MSANTD3: variants seen among roughly 807,000 people sequenced by gnomAD.
MSANTD3 encodes the protein Myb/SANT DNA binding domain containing 3.
Under a neutral mutation model 27.7 loss-of-function variants are expected in MSANTD3, and 11 were observed. The ratio of observed to expected loss-of-function variants is 0.40; its 90% CI spans 0.25 to 0.66. MSANTD3 has a LOEUF of 0.66. Among genes scored for constraint, MSANTD3 ranks in the 30% least tolerant of loss-of-function variants. The pLI is 0.41. For missense variants in MSANTD3, 250 were observed against 336.5 expected (o/e 0.74, Z 2.01); for synonymous variants, 131 against 127.2 (o/e 1.03, Z -0.20).
At chr9:100,432,702 A>G (rs1156675158) in intron 1 of MSANTD3, among the ~76,000 whole-genome samples, 1 of 152,186 alleles carries the variant, frequency 6.6e-6, no homozygotes, top group East Asian at 1.9e-4. Context: ...TTGCACAGTT[A>G]AACCTGTTTA....
chr9:100,438,677 C>T (rs1587787054), intron 1 of MSANTD3, among the ~76,000 whole-genome samples: 1 of 152,056 alleles, frequency 6.6e-6, no homozygotes, highest in Non-Finnish European at 1.5e-5. Flanking sequence ...CTATTGATTT[C>T]CTAACAAAAA....
At chr9:100,448,789 A>G (rs1836816452) in intron 2 of MSANTD3, 2 of 985,400 alleles carry the variant, frequency 2.0e-6, no homozygotes, top group Non-Finnish European at 2.4e-6. Context: ...TGTCTCCAGG[A>G]AAGATTTCCA....
At chr9:100,435,303 A>G (rs1453121817) in intron 1 of MSANTD3, among the ~76,000 whole-genome samples, 1 of 152,078 alleles carries the variant, frequency 6.6e-6, no homozygotes, top group Non-Finnish European at 1.5e-5. Context: ...GCAGTCTATT[A>G]ATGTCCTGAA....
chr9:100,437,057 G>T (rs1214692029), intron 1 of MSANTD3, among the ~76,000 whole-genome samples: 1 of 152,086 alleles, frequency 6.6e-6, no homozygotes, highest in Non-Finnish European at 1.5e-5. Context: ...CACCTGCCTC[G>T]GCCTCCCAAA....
intron 1 of MSANTD3, among the ~76,000 whole-genome samples, chr9:100,436,850 G>C (rs891373077): frequency 1.3e-5 from 2 of 152,134 alleles, no homozygotes; most frequent in Non-Finnish European, 2.9e-5. Flanking sequence ...TGTTGCCCAG[G>C]CTGGAGTGCA....
At chr9:100,441,634 C>G (rs559679282) in intron 1 of MSANTD3, among the ~76,000 whole-genome samples, 1 of 150,974 alleles carries the variant, frequency 6.6e-6, no homozygotes, top group African/African-American at 2.5e-5. Flanking sequence ...AGCGAGACTC[C>G]GTTTCAAAAA....
chr9:100,448,323 G>A, intron 2 of MSANTD3: 9 of 984,894 alleles, frequency 9.1e-6, no homozygotes, highest in Non-Finnish European at 1.1e-5. Flanking sequence ...AAATCAAAGA[G>A]AAAAGAGACT....
intron 1 of MSANTD3, among the ~76,000 whole-genome samples, chr9:100,435,714 G>GGGTA (rs1202311935): frequency 2.6e-5 from 4 of 152,098 alleles, no homozygotes; most frequent in African/African-American, 9.7e-5. Context: ...AAGCCATTGA[G>GGGTA]GGTAGCAGGG....
At chr9:100,431,317 T>C (rs1285545230) in intron 1 of MSANTD3, among the ~76,000 whole-genome samples, 2 of 151,412 alleles carry the variant, frequency 1.3e-5, no homozygotes, top group Non-Finnish European at 2.9e-5. Flanking sequence ...TTTTTTTTTT[T>C]TTTAAAGAGA....
chr9:100,431,182 A>G (rs1413511010), intron 1 of MSANTD3, among the ~76,000 whole-genome samples: 2 of 151,312 alleles, frequency 1.3e-5, no homozygotes, highest in African/African-American at 4.9e-5. Flanking sequence ...TTGTATTTTT[A>G]GTAGAGACGG....
At chr9:100,435,326 A>G (rs547882979) in intron 1 of MSANTD3, among the ~76,000 whole-genome samples, 5 of 152,168 alleles carry the variant, frequency 3.3e-5, no homozygotes, top group Non-Finnish European at 7.4e-5. Context: ...CTGATTTTCC[A>G]GTGCCATAGC....
At chr9:100,448,639 T>C in intron 2 of MSANTD3, 5 of 985,406 alleles carry the variant, frequency 5.1e-6, no homozygotes, top group Non-Finnish European at 6.0e-6. Context: ...TCCATGAGGA[T>C]GAGCAGAAGC....
In MSANTD3 at chr9:100,442,063, T is replaced by G; in HGVS notation, c.125T>G (p.Ile42Ser). The change falls in exon 2 of 3, where the codon ATT becomes AGT. Residue 42 changes from isoleucine to serine, a missense_variant. Ile to Ser is a moderately radical substitution (Grantham distance 142, BLOSUM62 -2). Around this residue, in one of 3 missense-constraint regions of MSANTD3, gnomAD observed 235 missense variants for 299.3 expected, o/e 0.79. Transcript: ENST00000395067. ...TGTAAGAAAAGTGATGCGCGAACTATTGCCCTTAAGCAGCGTACCTGGCAG... is the reference window on the plus strand; with the variant it reads ...TGTAAGAAAAGTGATGCGCGAACTAGTGCCCTTAAGCAGCGTACCTGGCAG... ...LECKKSDART[I>S]ALKQRTWQAL... The G allele has an allele frequency of 6.2e-7, 1 of 1,614,242 alleles. No homozygotes were observed. The highest frequency in any genetic ancestry group is 8.5e-7 in the Non-Finnish European group (1 of 1,180,040).
intron 2 of MSANTD3, among the ~76,000 whole-genome samples, chr9:100,442,790 C>T (rs201462818): frequency 1.5e-5 from 2 of 134,122 alleles, no homozygotes; most frequent in Non-Finnish European, 3.1e-5. Context: ...GCCTGGGTGA[C>T]GGAGTGAGAC....
intron 2 of MSANTD3, chr9:100,448,121 C>A: frequency 1.4e-6 from 1 of 736,274 alleles, no homozygotes; most frequent in Non-Finnish European, 1.6e-6. Flanking sequence ...AATCTGGGAG[C>A]CAGAGATGGC....
chr9:100,447,918 C>G (rs1041977598), intron 2 of MSANTD3, among the ~76,000 whole-genome samples: 1 of 152,266 alleles, frequency 6.6e-6, no homozygotes, highest in African/African-American at 2.4e-5. Context: ...GAGGCCGGTG[C>G]AGTGGCTCAT....
rs112348233 is a variant in MSANTD3 at position 100,431,014 on chromosome 9, G to T, written c.-34+3621G>T. 2.4e-3 allele frequency among the ~76,000 whole-genome samples: 348 copies of T among 143,388 alleles called. 2 individuals are homozygous for T. Among genetic ancestry groups the T allele is most frequent in the Non-Finnish European group, 4.1e-3 (269 of 65,314 alleles). The allele number at this position is 143,388 out of a possible 152,430, so 94.1% of individuals were successfully genotyped here. Reference sequence around the variant, plus strand: ...TTTTTCTTTTTTTCTTTTTTTTTTTGTTTTTGAGATGGAGTTTTGCTCTTG... The same window carrying T: ...TTTTTCTTTTTTTCTTTTTTTTTTTTTTTTTGAGATGGAGTTTTGCTCTTG... On this transcript the variant is annotated intron_variant, in intron 1 of 2. Coordinates refer to ENST00000395067, the MANE Select transcript of MSANTD3 (RefSeq NM_080655.3).
In MSANTD3 at chr9:100,442,177, G is replaced by A; in HGVS notation, c.239G>A (p.Arg80Gln). The change falls in exon 2 of 3, where the codon CGG (arginine) becomes CAG (glutamine). Residue 80 changes from arginine (R) to glutamine (Q), a missense_variant. Physicochemically the swap from Arg to Gln is conservative, Grantham distance 43 (BLOSUM62 1). Transcript: ENST00000395067. ...LKKCWENIKA[R>Q]TKKIMAHERR... ...AAGTGCTGGGAGAACATCAAGGCTC[G>A]GACCAAAAAAATTATGGCCCATGAA... The A allele has an allele frequency of 6.2e-7, 1 of 1,614,014 alleles. No homozygotes were observed. The highest frequency in any genetic ancestry group is 1.1e-5 in the South Asian group (1 of 91,066).
intron 2 of MSANTD3, 61 bp from the exon 3 acceptor site, chr9:100,450,496 G>GA: frequency 9.0e-7 from 1 of 1,112,366 alleles, no homozygotes. Flanking sequence ...AATAGGATTG[G>GA]TTTTTTTTTT....
Sources: allele counts gnomAD v4.1 joint callset (sites outside exome capture counted in the v4.1 genomes callset), GRCh38; gene constraint gnomAD v4.1.1; regional missense constraint gnomAD v4.1.1; transcripts MANE v1.5; gene names NCBI Gene and HGNC (gene_info 2026-07-23, HGNC 2026-07-21).